Variants in GSE1 observed in about 807,000 individuals in gnomAD.
GSE1 encodes the protein Gse1 coiled-coil protein.
A neutral mutation model predicts 112.6 loss-of-function variants in GSE1; 32 were observed. That is an observed-to-expected ratio of 0.28 (90% CI 0.21 to 0.38). The LOEUF is 0.38. Among genes scored for constraint, GSE1 ranks in the 10% least tolerant of loss-of-function variants. The pLI, the probability that GSE1 is intolerant of heterozygous loss-of-function variation, is 1.00. For synonymous variants in GSE1, 1,115 were observed against 735.6 expected, an observed-to-expected ratio of 1.52 and a Z score of -8.35; for missense variants, 2,348 against 1,699.2, an observed-to-expected ratio of 1.38 and a Z score of -6.71.
intron 1 of GSE1, among the ~76,000 whole-genome samples, chr16:85,245,268 G>C (rs12598560): frequency 6.6e-6 from 1 of 152,036 alleles, no homozygotes; most frequent in Non-Finnish European, 1.5e-5. Flanking sequence ...TCTCTCAGCC[G>C]CAGCCCTTGC....
intron 2 of GSE1, among the ~76,000 whole-genome samples, chr16:85,647,567 G>C (rs1598561215): frequency 6.6e-6 from 1 of 152,158 alleles, no homozygotes; most frequent in African/African-American, 2.4e-5. Flanking sequence ...GCTTGGCTGG[G>C]CCCCGTAGAG....
At chr16:85,509,233 G>C (rs1220080052) in intron 2 of GSE1, among the ~76,000 whole-genome samples, 1 of 152,232 alleles carries the variant, frequency 6.6e-6, no homozygotes, top group African/African-American at 2.4e-5. Context: ...GGGCAGGAAG[G>C]GTTGGATCCA....
intron 2 of GSE1, among the ~76,000 whole-genome samples, chr16:85,471,777 A>G (rs2050303413): frequency 1.3e-5 from 2 of 152,028 alleles, no homozygotes; most frequent in South Asian, 4.2e-4. Context: ...TGGTGTGATC[A>G]TAGCTCACTG....
chr16:85,199,156 C>A lies in GSE1; in HGVS notation c.2283+27349C>A, dbSNP rs564775612. Among the ~76,000 whole-genome samples the A allele has an allele frequency of 5.3e-5, 8 of 152,190 alleles. No individual in the cohort carries two copies. The South Asian group carries it at 6.2e-4, about 12-fold the overall frequency. On this transcript the variant is annotated intron_variant, in intron 1 of 2. Coordinates refer to the GSE1 transcript ENST00000637419. ...TGTTTTAGTAGAGACAGGGTTTCAG[C>A]ATGTTGGCCAGGCTTGTCTCAACCT...
At chr16:85,355,922 G>C (rs1041396940) in intron 1 of GSE1, among the ~76,000 whole-genome samples, 3 of 152,172 alleles carry the variant, frequency 2.0e-5, no homozygotes, top group African/African-American at 7.2e-5. Context: ...AGCTACTCGG[G>C]AGGCTGAGGC....
At chr16:85,293,019 G>C (rs777429363) in intron 1 of GSE1, among the ~76,000 whole-genome samples, 2 of 152,178 alleles carry the variant, frequency 1.3e-5, no homozygotes, top group South Asian at 4.1e-4. Context: ...TTTGACAAGC[G>C]TGTACGGTTG....
intron 1 of GSE1, among the ~76,000 whole-genome samples, chr16:85,183,880 C>T (rs1485076629): frequency 1.3e-5 from 2 of 152,192 alleles, no homozygotes. Context: ...CCACCCTTTG[C>T]CTCCTTTCTA....
chr16:85,384,905 C>T (rs551774986), intron 2 of GSE1, among the ~76,000 whole-genome samples: 1 of 152,350 alleles, frequency 6.6e-6, no homozygotes, highest in Admixed American at 6.5e-5. Context: ...GGCAAGCAGC[C>T]AAGCAGGTAG....
chr16:85,269,928 A>G (rs1908663661), intron 1 of GSE1, among the ~76,000 whole-genome samples: 1 of 149,330 alleles, frequency 6.7e-6, no homozygotes, highest in Admixed American at 6.7e-5. Context: ...GACGCTTTGG[A>G]GGGCTTTTGT....
chr16:85,509,294 G>C (rs1372674477), intron 2 of GSE1, among the ~76,000 whole-genome samples: 1 of 152,206 alleles, frequency 6.6e-6, no homozygotes, highest in Non-Finnish European at 1.5e-5. Context: ...TCGTGGGAAG[G>C]CAGTGTTGGT....
intron 1 of GSE1, among the ~76,000 whole-genome samples, chr16:85,190,877 C>G (rs2074805960): frequency 6.6e-6 from 1 of 152,232 alleles, no homozygotes; most frequent in African/African-American, 2.4e-5. Context: ...CCTGCAGACC[C>G]ACTGCTCTTT....
At chr16:85,243,135 C>T (rs906634750) in intron 1 of GSE1, among the ~76,000 whole-genome samples, 1 of 152,204 alleles carries the variant, frequency 6.6e-6, no homozygotes, top group African/African-American at 2.4e-5. Context: ...ACATGCAGCC[C>T]CCGAGGAGAC....
intron 2 of GSE1, among the ~76,000 whole-genome samples, chr16:85,363,006 T>G (rs2047115256): frequency 6.6e-6 from 1 of 152,028 alleles, no homozygotes; most frequent in Admixed American, 6.6e-5. Flanking sequence ...CAGCTAATTT[T>G]TTTGTATTTT....
At chr16:85,278,214 G>A (rs1040073771) in intron 1 of GSE1, among the ~76,000 whole-genome samples, 6 of 152,182 alleles carry the variant, frequency 3.9e-5, no homozygotes, top group East Asian at 1.9e-4. Context: ...GTCAGGGGGC[G>A]GGGGTGCTGT....
chr16:85,655,943 C>T (rs751369408), intron 6 of GSE1, 26 bp downstream of exon 6: 44 of 1,562,510 alleles, frequency 2.8e-5, no homozygotes, highest in Middle Eastern at 1.7e-4. Flanking sequence ...GCCGAGGAGC[C>T]CCTCTGCCCT....
At chr16:85,590,486 T>C (rs2046953601) in intron 1 of GSE1, among the ~76,000 whole-genome samples, 1 of 151,660 alleles carries the variant, frequency 6.6e-6, no homozygotes, top group Non-Finnish European at 1.5e-5. Flanking sequence ...TGTGCATGTG[T>C]GAACGCATGG....
chr16:85,537,938 G>A (rs1204448943), intron 2 of GSE1, among the ~76,000 whole-genome samples: 4 of 152,132 alleles, frequency 2.6e-5, no homozygotes, highest in Admixed American at 2.0e-4. Context: ...GCAGGGAGGC[G>A]AGCGTGGCTG....
At chr16:85,639,868 C>G (rs1394927279) in intron 2 of GSE1, among the ~76,000 whole-genome samples, 2 of 152,250 alleles carry the variant, frequency 1.3e-5, no homozygotes, top group African/African-American at 2.4e-5. Flanking sequence ...CAGCGCCCGT[C>G]TGCCAAGGCG....
At chr16:85,225,648 T>C (rs2075472676) in intron 1 of GSE1, among the ~76,000 whole-genome samples, 1 of 152,242 alleles carries the variant, frequency 6.6e-6, no homozygotes, top group Admixed American at 6.5e-5. Context: ...TTCATTCCCC[T>C]TTCAGGTGTC....
Sources: allele counts gnomAD v4.1 joint callset (sites outside exome capture counted in the v4.1 genomes callset), GRCh38; gene constraint gnomAD v4.1.1; transcripts MANE v1.5; gene names NCBI Gene and HGNC (gene_info 2026-07-23, HGNC 2026-07-21).